Variants in MAGI2 observed in about 807,000 individuals in gnomAD.
MAGI2 encodes the protein membrane-associated guanylate kinase, WW and PDZ domain-containing protein 2.
Under a neutral mutation model 133.3 loss-of-function variants are expected in MAGI2, and 35 were observed. That is an observed-to-expected ratio of 0.26 (90% CI 0.20 to 0.35). MAGI2 has a LOEUF of 0.35. MAGI2 is among the 10% of genes least tolerant of loss of function. The probability of loss-of-function intolerance (pLI) is 1.00; values close to 1 mark genes in which losing one functional copy is unlikely to be tolerated. For missense variants in MAGI2, 1,636 were observed against 1,863.4 expected, an observed-to-expected ratio of 0.88 and a Z score of 2.25; for synonymous variants, 729 against 710.6, an observed-to-expected ratio of 1.03 and a Z score of -0.41.
chr7:78,108,642 A>ATGTGTG (rs71844818), intron 20 of MAGI2, among the ~76,000 whole-genome samples: 4 of 148,714 alleles, frequency 2.7e-5, no homozygotes, highest in African/African-American at 7.5e-5. Flanking sequence ...CTCTCTCTGT[A>ATGTGTG]TGTGTGTGTG....
intron 10 of MAGI2, among the ~76,000 whole-genome samples, chr7:78,224,136 G>T (rs1789114509): frequency 6.6e-6 from 1 of 152,106 alleles, no homozygotes; most frequent in African/African-American, 2.4e-5. Context: ...TGTTCAGTTG[G>T]CATTTTTGGA....
Position 78,161,688 on chromosome 7 carries a change from G to GC in MAGI2, c.2597-1416_2597-1415insG, listed in dbSNP as rs1180250519. Among the ~76,000 whole-genome samples, 8 of 107,236 alleles carry GC rather than the reference G, an allele frequency of 7.5e-5. No individual in the cohort carries two copies. In the East Asian group the frequency reaches 1.9e-3, roughly 25 times the overall value. 70.4% of individuals were successfully genotyped at this position (107,236 alleles called of 152,430 possible). ...TACCTAAAAAAAAAAAAAAAAAAAA[G>GC]AAAAAAAAAAAGCTGTATTTGTTTA... On this transcript the variant is annotated intron_variant, in intron 15 of 21. Coordinates refer to ENST00000354212, the MANE Select transcript of MAGI2 (RefSeq NM_012301.4).
intron 6 of MAGI2, among the ~76,000 whole-genome samples, chr7:78,464,494 G>A (rs954518666): frequency 1.3e-5 from 2 of 151,980 alleles, no homozygotes; most frequent in African/African-American, 4.8e-5. Context: ...GCTTCTTCCT[G>A]AGTTTCTCAT....
chr7:78,812,282 A>T (rs1563534470), intron 2 of MAGI2, among the ~76,000 whole-genome samples: 1 of 152,190 alleles, frequency 6.6e-6, no homozygotes, highest in Non-Finnish European at 1.5e-5. Context: ...GCAGTAAAAA[A>T]CTAATACAGG....
intron 9 of MAGI2, among the ~76,000 whole-genome samples, chr7:78,332,579 TC>T (rs1789330015): frequency 6.6e-6 from 1 of 151,694 alleles, no homozygotes; most frequent in Admixed American, 6.6e-5. Context: ...GCGCCTGTAG[TC>T]CCAGCTACTC....
intron 7 of MAGI2, among the ~76,000 whole-genome samples, chr7:78,352,136 A>G (rs1791583277): frequency 6.6e-6 from 1 of 152,210 alleles, no homozygotes; most frequent in South Asian, 2.1e-4. Context: ...GCTAACTATC[A>G]TCATTCATCG....
intron 1 of MAGI2, among the ~76,000 whole-genome samples, chr7:79,071,740 CT>C (rs767918591): frequency 3.3e-5 from 5 of 152,022 alleles, no homozygotes; most frequent in Non-Finnish European, 5.9e-5. Flanking sequence ...TTCAAACTTC[CT>C]GGTGGCTTTG....
intron 4 of MAGI2, among the ~76,000 whole-genome samples, chr7:78,515,742 A>G (rs752874722): frequency 2.0e-5 from 3 of 152,134 alleles, no homozygotes; most frequent in Non-Finnish European, 4.4e-5. Flanking sequence ...TCTACTAAAA[A>G]TACAAAATTA....
At chr7:78,721,369 T>C (rs1204184031) in intron 2 of MAGI2, among the ~76,000 whole-genome samples, 1 of 152,002 alleles carries the variant, frequency 6.6e-6, no homozygotes, top group Non-Finnish European at 1.5e-5. Flanking sequence ...AGCATAAGAA[T>C]TAATCTCAAA....
intron 10 of MAGI2, among the ~76,000 whole-genome samples, chr7:78,228,915 T>G (rs1295752142): frequency 6.6e-6 from 1 of 152,242 alleles, no homozygotes; most frequent in Non-Finnish European, 1.5e-5. Flanking sequence ...ACATATTTCT[T>G]GGATAACTTC....
chr7:79,249,457 TAA>T (rs759424250), intron 1 of MAGI2, among the ~76,000 whole-genome samples: 12 of 151,740 alleles, frequency 7.9e-5, no homozygotes, highest in Non-Finnish European at 1.6e-4. Context: ...TCCAGGTTAA[TAA>T]AAAAGACATT....
intron 3 of MAGI2, among the ~76,000 whole-genome samples, chr7:78,588,848 T>C (rs1280947818): frequency 1.2e-4 from 18 of 152,180 alleles, no homozygotes. Context: ...ATTAAAAAGA[T>C]AGGATTTTAG....
intron 2 of MAGI2, among the ~76,000 whole-genome samples, chr7:78,692,168 G>T (rs755446861): frequency 2.0e-5 from 3 of 152,152 alleles, no homozygotes; most frequent in Non-Finnish European, 2.9e-5. Context: ...GTTTTTACAT[G>T]GATGGATATC....
At chr7:78,698,801 C>G (rs976468364) in intron 2 of MAGI2, among the ~76,000 whole-genome samples, 1 of 151,988 alleles carries the variant, frequency 6.6e-6, no homozygotes, top group African/African-American at 2.4e-5. Flanking sequence ...AAGCCCCTTA[C>G]AAAACCATCA....
intron 1 of MAGI2, among the ~76,000 whole-genome samples, chr7:79,310,313 T>C (rs1838183413): frequency 6.6e-6 from 1 of 150,920 alleles, no homozygotes; most frequent in Admixed American, 6.6e-5. Context: ...CATGGAGGGA[T>C]GAAAGAACAT....
intron 1 of MAGI2, among the ~76,000 whole-genome samples, chr7:79,282,182 A>G (rs921192379): frequency 7.9e-5 from 12 of 152,150 alleles, no homozygotes; most frequent in Non-Finnish European, 1.2e-4. Flanking sequence ...TAAGCAACCC[A>G]TATTTCATTA....
intron 2 of MAGI2, among the ~76,000 whole-genome samples, chr7:78,750,570 T>C (rs1391501048): frequency 6.6e-6 from 1 of 152,176 alleles, no homozygotes; most frequent in East Asian, 1.9e-4. Context: ...GGCACTTCTC[T>C]TTCCAGATCC....
intron 1 of MAGI2, among the ~76,000 whole-genome samples, chr7:79,304,163 T>C (rs1378063387): frequency 7.4e-6 from 1 of 134,504 alleles, no homozygotes; most frequent in Non-Finnish European, 1.6e-5. Flanking sequence ...GTTTCTAAAG[T>C]GCCAATTTTC....
chr7:78,200,006 T>G (rs1423832325), intron 11 of MAGI2, among the ~76,000 whole-genome samples: 1 of 152,234 alleles, frequency 6.6e-6, no homozygotes, highest in Non-Finnish European at 1.5e-5. Flanking sequence ...AGGAAGGAAC[T>G]ATTTAGACAT....
Sources: allele counts gnomAD v4.1 joint callset (sites outside exome capture counted in the v4.1 genomes callset), GRCh38; gene constraint gnomAD v4.1.1; transcripts MANE v1.5; gene names NCBI Gene and HGNC (gene_info 2026-07-23, HGNC 2026-07-21).